HOXC4: variants seen among roughly 807,000 people sequenced by gnomAD.
HOXC4 encodes the protein homeobox protein Hox-C4.
In HOXC4, 15 loss-of-function variants were observed where a neutral mutation model predicts 25.5. The ratio of observed to expected loss-of-function variants is 0.59; its 90% CI spans 0.39 to 0.91. The LOEUF (loss-of-function observed/expected upper bound fraction) is 0.91, where lower values mean the gene tolerates loss of function less well. Ranked by LOEUF, HOXC4 falls within the 40% of genes least tolerant of loss-of-function variation. The pLI, the probability that HOXC4 is intolerant of heterozygous loss-of-function variation, is 0.00. For missense variants in HOXC4, 342 were observed against 352.4 expected, an observed-to-expected ratio of 0.97 and a Z score of 0.24; for synonymous variants, 165 against 148.0, an observed-to-expected ratio of 1.11 and a Z score of -0.83.
chr12:54,029,968 A>C (rs1260468528), intron 1 of HOXC4: 2 of 1,540,404 alleles, frequency 1.3e-6, no homozygotes, highest in South Asian at 1.2e-5. Flanking sequence ...AGTGACCAGG[A>C]CTGTCCCTGC....
intron 1 of HOXC4, chr12:54,034,186 G>C: frequency 2.4e-6 from 3 of 1,253,756 alleles, no homozygotes; most frequent in South Asian, 1.2e-5. Flanking sequence ...CTCTCCCTCC[G>C]GCCGCGGGTG....
At chr12:54,029,523 G>C in intron 1 of HOXC4, 1 of 906,160 alleles carries the variant, frequency 1.1e-6, no homozygotes, top group Non-Finnish European at 1.7e-6. Context: ...AGGCAAAAGG[G>C]AGAAGGCTAG....
rs184405466 is a variant in HOXC4, at chr12:54,036,072, T to C, written c.-123-17088T>C. On this transcript the variant is annotated intron_variant, in intron 1 of 3. Transcript: ENST00000303406. ...CTGGAGTCACGTCTGTCTGCCATCATTTATCTCAGTCTCTGGGATTTTGTG... is the reference window on the plus strand; with the variant it reads ...CTGGAGTCACGTCTGTCTGCCATCACTTATCTCAGTCTCTGGGATTTTGTG... Among the ~76,000 whole-genome samples the C allele has an allele frequency of 8.5e-5, 13 of 152,232 alleles. No individual in the cohort carries two copies. The East Asian group carries it at 2.5e-3, about 29-fold the overall frequency.
chr12:54,034,544 C>A (rs1472454228), intron 1 of HOXC4: 3 of 1,462,634 alleles, frequency 2.1e-6, no homozygotes, highest in Admixed American at 1.7e-5. Flanking sequence ...CCTGTCCCTG[C>A]GCCTTTCCTT....
intron 1 of HOXC4, among the ~76,000 whole-genome samples, chr12:54,041,527 A>G (rs1941272320): frequency 1.3e-5 from 2 of 152,124 alleles, no homozygotes; most frequent in African/African-American, 2.4e-5. Context: ...TTTGTCAACA[A>G]TCCCCTCATT....
chr12:54,048,359 T>C (rs1937767633), intron 1 of HOXC4, among the ~76,000 whole-genome samples: 1 of 151,948 alleles, frequency 6.6e-6, no homozygotes, highest in African/African-American at 2.4e-5. Flanking sequence ...TTCACTATGG[T>C]TGGGGAAAAT....
At chr12:54,028,710 C>G (rs1192042610) in intron 1 of HOXC4, 1 of 1,614,088 alleles carries the variant, frequency 6.2e-7, no homozygotes, top group Non-Finnish European at 8.5e-7. Flanking sequence ...ATGTCGTGTT[C>G]AGTTCCAGCC....
chr12:54,049,751 C>T (rs185680928), upstream of HOXC4, among the ~76,000 whole-genome samples: 5 of 8,928 alleles, frequency 5.6e-4, no homozygotes, highest in African/African-American at 5.6e-3. Context: ...AACACATACA[C>T]ACACACACAC....
At chr12:54,034,345 C>T in intron 1 of HOXC4, 1 of 1,614,238 alleles carries the variant, frequency 6.2e-7, no homozygotes, top group Non-Finnish European at 8.5e-7. Flanking sequence ...AGAAAGAATT[C>T]CACTTTAACC....
chr12:54,046,894 G>A (rs895361700), intron 1 of HOXC4, among the ~76,000 whole-genome samples: 2 of 152,208 alleles, frequency 1.3e-5, no homozygotes, highest in Non-Finnish European at 2.9e-5. Flanking sequence ...AGCCACCCCA[G>A]GCTGCTGCCA....
chr12:54,042,095 C>T (rs1941286093), intron 1 of HOXC4, among the ~76,000 whole-genome samples: 1 of 151,386 alleles, frequency 6.6e-6, no homozygotes, highest in Non-Finnish European at 1.5e-5. Flanking sequence ...TCTCCTGCCT[C>T]AGCCTCCTGA....
chr12:54,034,511 G>C (rs1356512981), intron 1 of HOXC4: 1 of 1,598,544 alleles, frequency 6.3e-7, no homozygotes. Context: ...GGGGAGGCCC[G>C]CAGAGCGCGC....
upstream of HOXC4, among the ~76,000 whole-genome samples, chr12:54,051,652 A>T (rs982787266): frequency 2.6e-5 from 4 of 152,218 alleles, no homozygotes; most frequent in African/African-American, 9.6e-5. Flanking sequence ...GCCTGGTTAC[A>T]GTGGGGATGG....
In HOXC4 at chr12:54,027,040, T is replaced by G. The variant is rs1054224573; in HGVS notation, c.-124+9626T>G. On this transcript the variant is annotated intron_variant, in intron 1 of 3. Coordinates refer to the HOXC4 transcript ENST00000303406. ...CCTTCTTTGTCAACTCAAGGCATTT[T>G]CAGCCTATATCACGATATCAAATTA... Among the ~76,000 whole-genome samples the G allele has an allele frequency of 9.1e-4, 139 of 152,214 alleles. 3 individuals are homozygous for G. The highest frequency in any genetic ancestry group is 1.2e-4 in the Non-Finnish European group (8 of 68,010).
At chr12:54,023,776 A>G (rs1244649830) in intron 1 of HOXC4, among the ~76,000 whole-genome samples, 1 of 152,040 alleles carries the variant, frequency 6.6e-6, no homozygotes, top group Non-Finnish European at 1.5e-5. Flanking sequence ...ACCTTTTTGG[A>G]ATGCGGTGTG....
intron 1 of HOXC4, among the ~76,000 whole-genome samples, chr12:54,041,972 CTTTTCT>C (rs1207955538): frequency 1.5e-5 from 2 of 133,598 alleles, no homozygotes; most frequent in African/African-American, 5.8e-5. Context: ...CTTTTCTTTT[CTTTTCT>C]TTTTTTTTTT....
At chr12:54,032,092 A>G (rs1941007049) in intron 1 of HOXC4, among the ~76,000 whole-genome samples, 1 of 152,228 alleles carries the variant, frequency 6.6e-6, no homozygotes, top group Non-Finnish European at 1.5e-5. Flanking sequence ...CATAGGTACC[A>G]CATAAGGATC....
At chr12:54,021,430 G>A (rs1300555372) in intron 1 of HOXC4, 8 of 152,300 alleles carry the variant, frequency 5.3e-5, no homozygotes, top group Non-Finnish European at 1.0e-4. Context: ...GGGCTACCAA[G>A]GCTGAGAATT....
chr12:54,028,416 C>T, intron 1 of HOXC4: 1 of 1,258,090 alleles, frequency 7.9e-7, no homozygotes, highest in Non-Finnish European at 1.1e-6. Context: ...GTCATTTTGT[C>T]TGTCCTGGAT....
Sources: allele counts gnomAD v4.1 joint callset (sites outside exome capture counted in the v4.1 genomes callset), GRCh38; gene constraint gnomAD v4.1.1; transcripts MANE v1.5; gene names NCBI Gene and HGNC (gene_info 2026-07-23, HGNC 2026-07-21).